ZDHHC24: variants seen among roughly 807,000 people sequenced by gnomAD.
ZDHHC24 encodes zDHHC palmitoyltransferase 24.
Under a neutral mutation model 23.2 loss-of-function variants are expected in ZDHHC24, and 17 were observed. The observed-to-expected ratio is 0.73, with a 90% CI of 0.50 to 1.10. The LOEUF (loss-of-function observed/expected upper bound fraction) is 1.10. Among genes scored for constraint, ZDHHC24 ranks in the 50% least tolerant of loss-of-function variants. ZDHHC24 has a pLI of 0.00. For missense variants in ZDHHC24, 366 were observed against 393.0 expected, an observed-to-expected ratio of 0.93 and a Z score of 0.58; for synonymous variants, 186 against 194.5, an observed-to-expected ratio of 0.96 and a Z score of 0.36.
chr11:66,531,777 C>CA, downstream of ZDHHC24: 1 of 1,613,640 alleles, frequency 6.2e-7, no homozygotes, highest in Non-Finnish European at 8.5e-7. Flanking sequence ...GGAAGGTGAG[C>CA]AGGACCCTGG....
At position 66,539,317 on chromosome 11, in the gene ZDHHC24, G is replaced by T; in HGVS notation, c.*212C>A. 1 of 1,273,990 alleles carries T rather than the reference G, an allele frequency of 7.8e-7. No homozygotes were observed. The highest frequency in any genetic ancestry group is 3.0e-5 in the South Asian group (1 of 32,910). 78.9% of individuals were successfully genotyped at this position (1,273,990 alleles called of 1,614,324 possible). On this transcript the variant is annotated 3_prime_UTR_variant, in exon 3 of 3. Coordinates refer to ENST00000310442, the MANE Select transcript of ZDHHC24 (RefSeq NM_207340.3). ...AAGGGGCAGCTAGGCGGCCTGAGCA[G>T]CCCCTGCCAGACCCTCCTCTGCACT...
chr11:66,544,250 T>C (rs894539107), intron 1 of ZDHHC24, among the ~76,000 whole-genome samples: 5 of 152,112 alleles, frequency 3.3e-5, no homozygotes, highest in African/African-American at 1.2e-4. Context: ...AATCCCTCCC[T>C]TCCTCCACGG....
chr11:66,538,851 C>T lies in ZDHHC24; in HGVS notation c.*678G>A, dbSNP rs901281676. ...TCTTTACCTTGATTTCTTTCCTACT[C>T]ATTTCCTCCAGCTGTGCAAGGGTAA... is the stretch of plus-strand genomic sequence containing the variant. On this transcript the variant is annotated 3_prime_UTR_variant, in exon 3 of 3. Transcript: ENST00000310442. 1 of 152,286 alleles carries T rather than the reference C, an allele frequency of 6.6e-6. No individual in the cohort carries two copies. Among genetic ancestry groups the T allele is most frequent in the Non-Finnish European group, 1.5e-5 (1 of 68,140 alleles). 9.4% of individuals were successfully genotyped at this position (152,286 alleles called of 1,614,324 possible).
At chr11:66,526,666 A>G (rs1421044140) in intron 4 of ZDHHC24, 1 of 1,614,230 alleles carries the variant, frequency 6.2e-7, no homozygotes. Context: ...CCTGATCATC[A>G]AGATCCTGAA....
chr11:66,543,821 C>T lies in ZDHHC24; in HGVS notation c.442G>A (p.Gly148Ser), dbSNP rs757649143. ...PFLCLLLHAAGVLLHVSVLLG... is the reference protein window; with the variant it reads ...PFLCLLLHAASVLLHVSVLLG... ...AGCACAGAGACGTGGAGCAGGACGC[C>T]GGCGGCATGAAGCAGCAGGCACAGG... Residue 148 changes from glycine to serine, a missense_variant, in exon 2 of 3, where the codon GGC becomes AGC. Transcript: ENST00000310442. The T allele has an allele frequency of 9.3e-6, 15 of 1,613,624 alleles. No homozygotes were observed. Among genetic ancestry groups the T allele is most frequent in the Admixed American group, 6.7e-5 (4 of 59,954 alleles).
chr11:66,540,632 G>A (rs2134879820), intron 2 of ZDHHC24, among the ~76,000 whole-genome samples: 1 of 151,974 alleles, frequency 6.6e-6, no homozygotes, highest in African/African-American at 2.4e-5. Flanking sequence ...GGAGGCTGAG[G>A]CAGGATAATC....
Position 66,521,362 on chromosome 11 carries a change from C to T in ZDHHC24, c.*126G>A, listed in dbSNP as rs1856208944. On this transcript the variant is annotated 3_prime_UTR_variant, in exon 5 of 5. Coordinates refer to the ZDHHC24 transcript ENST00000526986. ...CCGCGGCCTGCCGCAATGGAAACAT[C>T]TATATTCTGAGAAGGTAGCCACATC... 6.2e-7 allele frequency: 1 copy of T among 1,614,084 alleles called. No homozygotes were observed. The highest frequency in any genetic ancestry group is 8.5e-7 in the Non-Finnish European group (1 of 1,179,946).
Position 66,545,186 on chromosome 11 carries a change from C to T in ZDHHC24, c.281+537G>A, listed in dbSNP as rs1448184996. Among the ~76,000 whole-genome samples the T allele has an allele frequency of 2.6e-5, 4 of 151,266 alleles. No homozygotes were observed. In the South Asian group the frequency reaches 6.3e-4, roughly 24 times the overall value. On this transcript the variant is annotated intron_variant, in intron 1 of 2. Transcript: ENST00000310442. This position sits in a 1 kb window ranked among gnomAD's most constrained non-coding sequence, Gnocchi z 4.5. ...TCCCCAGTAGCTGAGATTACAGGCA[C>T]GTGCCGCCATGCCCGACTAATTTTT...
chr11:66,543,920 C>A lies in ZDHHC24; in HGVS notation c.343G>T (p.Val115Phe). The A allele has an allele frequency of 6.2e-7, 1 of 1,613,992 alleles. No homozygotes were observed. The change falls in exon 2 of 3, where the codon GTC (valine) becomes TTC (phenylalanine). Residue 115 changes from valine to phenylalanine, a missense_variant. Val to Phe is a conservative substitution (Grantham distance 50). Coordinates refer to ENST00000310442, the MANE Select transcript of ZDHHC24 (RefSeq NM_207340.3). The stretch of plus-strand genomic sequence containing the variant: ...TGGTGGTCCCGACGCAGGATGCAGA[C>A]GCGGCAGGCAGAGCAGTGTCCGCTG... Reference protein sequence around the residue: ...PRSGHCSACRVCILRRDHHCR... With the variant: ...PRSGHCSACRFCILRRDHHCR...
chr11:66,526,197 G>T (rs886048525), intron 4 of ZDHHC24: 1 of 1,614,094 alleles, frequency 6.2e-7, no homozygotes. Context: ...CTCGAGGTGA[G>T]TGGAGTCAGA....
intron 2 of ZDHHC24, among the ~76,000 whole-genome samples, chr11:66,540,124 G>A (rs1044403724): frequency 1.5e-4 from 23 of 152,146 alleles, no homozygotes; most frequent in African/African-American, 5.3e-4. Context: ...AGACATTAAA[G>A]AGGCCATTCT....
chr11:66,543,904 C>A lies in ZDHHC24; in HGVS notation c.359G>T (p.Arg120Leu). The A allele has an allele frequency of 6.2e-7, 1 of 1,614,012 alleles. No homozygotes were observed. Among genetic ancestry groups the A allele is most frequent in the Non-Finnish European group, 8.5e-7 (1 of 1,179,942 alleles). Residue 120 changes from arginine (R) to leucine (L), a missense_variant, in exon 2 of 3, where the codon CGG (arginine) becomes CTG (leucine). Coordinates refer to ENST00000310442, the MANE Select transcript of ZDHHC24 (RefSeq NM_207340.3). ...CSACRVCILR[R>L]DHHCRLLGRC... ...GCCCAGCAGGCGGCAGTGGTGGTCC[C>A]GACGCAGGATGCAGACGCGGCAGGC...
chr11:66,524,939 G>A (rs1488387437), intron 4 of ZDHHC24, among the ~76,000 whole-genome samples: 3 of 152,052 alleles, frequency 2.0e-5, no homozygotes, highest in Admixed American at 6.6e-5. Context: ...GGTGGCTCAC[G>A]TCTGTAATCC....
downstream of ZDHHC24, chr11:66,521,054 C>A (rs1361553339): frequency 5.0e-6 from 3 of 596,612 alleles, no homozygotes; most frequent in Non-Finnish European, 9.1e-6. Context: ...GGATGCAGTC[C>A]TAGAAGTGGC....
rs1360234901 is a variant in ZDHHC24, at chr11:66,543,723, G to A, written c.540C>T (p.Pro180=). ...PLHMAALLLL[P]WLMLLTGRVS... is the part of the protein sequence containing the mutation. ...CCCCACCTGTGAGCAACATGAGCCA[G>A]GGAAGCAGGAGGAGGGCAGCCATGT... Residue 180 remains proline, a synonymous_variant, in exon 2 of 3, where the codon CCC becomes CCT. Transcript: ENST00000310442. 2 of 1,593,310 alleles carry A rather than the reference G, an allele frequency of 1.3e-6. No individual in the cohort carries two copies. The highest frequency in any genetic ancestry group is 1.3e-5 in the African/African-American group (1 of 74,534).
chr11:66,529,935 C>T (rs554803383), intron 2 of ZDHHC24: 1 of 1,604,292 alleles, frequency 6.2e-7, no homozygotes, highest in Non-Finnish European at 8.5e-7. Context: ...CCGAGAGCCA[C>T]TCAAGCTGCA....
intron 4 of ZDHHC24, chr11:66,521,757 T>G: frequency 3.3e-6 from 1 of 303,734 alleles, no homozygotes; most frequent in South Asian, 3.0e-5. Flanking sequence ...AATACAAAAT[T>G]AGCTGGGCAT....
chr11:66,533,934 C>T (rs547907463), downstream of ZDHHC24, among the ~76,000 whole-genome samples: 7 of 152,302 alleles, frequency 4.6e-5, no homozygotes, highest in East Asian at 5.8e-4. Flanking sequence ...TTTGGGAGGC[C>T]GGGGCAGGCG....
In ZDHHC24 at chr11:66,543,705, TGTGA is replaced by T; in HGVS notation, c.554_557del (p.Leu185GlnfsTer14). ...GCAGAGGCCTCCCAGGCTCCCCACCTGTGAGCAACATGAGCCAGGGAAGCAGGAG... is the reference window on the plus strand; with the variant it reads ...GCAGAGGCCTCCCAGGCTCCCCACCTGCAACATGAGCCAGGGAAGCAGGAG... On this transcript the variant is annotated frameshift_variant and splice_region_variant, in exon 2 of 3. Coordinates refer to ENST00000310442, the MANE Select transcript of ZDHHC24 (RefSeq NM_207340.3). LOFTEE classifies it high-confidence loss of function. The T allele has an allele frequency of 6.3e-7, 1 of 1,579,510 alleles. No homozygotes were observed. Among genetic ancestry groups the T allele is most frequent in the Non-Finnish European group, 8.6e-7 (1 of 1,162,936 alleles).
Sources: gnomAD v4.1 joint callset for allele counts (sites outside exome capture counted in the v4.1 genomes callset) on GRCh38, gnomAD v4.1.1 for gene constraint, Gnocchi (gnomAD v3.1) non-coding constraint, MANE v1.5 for transcripts, NCBI Gene and HGNC (gene_info 2026-07-23, HGNC 2026-07-21) for gene names.